The following LARS1 variants were observed in gnomAD, a reference collection of about 807,000 sequenced individuals.
LARS1 encodes the protein leucine--tRNA ligase, cytoplasmic.
Under a neutral mutation model 162.8 loss-of-function variants are expected in LARS1, and 100 were observed. That is an observed-to-expected ratio of 0.61 (90% CI 0.52 to 0.73). The LOEUF is 0.73. Ranked by LOEUF, LARS1 falls within the 30% of genes least tolerant of loss-of-function variation. The pLI, the probability that LARS1 is intolerant of heterozygous loss-of-function variation, is 0.00. For synonymous variants in LARS1, 457 were observed against 462.8 expected (o/e 0.99, Z 0.16); for missense variants, 1,258 against 1,408.9 (o/e 0.89, Z 1.71).
chr5:146,115,296 G>A (rs1363682610), intron 31 of LARS1, among the ~76,000 whole-genome samples: 1 of 151,828 alleles, frequency 6.6e-6, no homozygotes, highest in African/African-American at 2.4e-5. Flanking sequence ...CCTTTCTTGA[G>A]CTCCCTGGAA....
Position 146,144,660 on chromosome 5 carries a change from G to A in LARS1, c.1553C>T (p.Ser518Leu), listed in dbSNP as rs775688026. ...MEPEKQVMSR[S>L]SDECVVALCD... Reference sequence around the variant, plus strand: ...CAGAGCCACAACACATTCATCTGACGACCTGGACATCACTTGTTTCTCTGG... The same window carrying A: ...CAGAGCCACAACACATTCATCTGACAACCTGGACATCACTTGTTTCTCTGG... The change falls in exon 16 of 32, where the codon TCG (serine) becomes TTG (leucine). Residue 518 changes from serine (S) to leucine (L), a missense_variant. Coordinates refer to ENST00000394434, the MANE Select transcript of LARS1 (RefSeq NM_020117.11). The A allele has an allele frequency of 2.2e-5, 35 of 1,613,838 alleles. No homozygotes were observed. Among genetic ancestry groups the A allele is most frequent in the Non-Finnish European group, 2.9e-5 (34 of 1,180,022 alleles).
At position 146,122,766 on chromosome 5, in the gene LARS1, G is replaced by A. The variant is rs73315733; in HGVS notation, c.3097-179C>T. ...ATCTGTAATCAGTTATTTAACATTCGTTTTAGATGTCTCATAGTATTGTTA... is the reference window on the plus strand; with the variant it reads ...ATCTGTAATCAGTTATTTAACATTCATTTTAGATGTCTCATAGTATTGTTA... On this transcript the variant is annotated intron_variant, in intron 29 of 31. Coordinates refer to ENST00000394434, the MANE Select transcript of LARS1 (RefSeq NM_020117.11). 0.029 allele frequency among the ~76,000 whole-genome samples: 4,410 copies of A among 151,710 alleles called. 220 individuals are homozygous for A. The highest frequency in any genetic ancestry group is 0.1 in the African/African-American group (4,168 of 41,360).
intron 2 of LARS1, among the ~76,000 whole-genome samples, chr5:146,175,174 A>C (rs934373098): frequency 4.6e-5 from 7 of 151,926 alleles, no homozygotes; most frequent in African/African-American, 1.7e-4. Context: ...AGCTGAGATC[A>C]CACAACTGCA....
chr5:146,168,632 C>T (rs1362087727), intron 4 of LARS1, among the ~76,000 whole-genome samples: 2 of 151,958 alleles, frequency 1.3e-5, no homozygotes, highest in Non-Finnish European at 2.9e-5. Context: ...GTGCAGTGAG[C>T]CGAGATCACA....
Position 146,152,026 on chromosome 5 carries a change from C to T in LARS1, c.1285-24G>A, listed in dbSNP as rs574466224. 8 of 1,612,638 alleles carry T rather than the reference C, an allele frequency of 5.0e-6. No individual in the cohort carries two copies. The Middle Eastern group carries it at 6.6e-4, about 133-fold the overall frequency. On this transcript the variant is annotated intron_variant, in intron 13 of 31. Coordinates refer to ENST00000394434, the MANE Select transcript of LARS1 (RefSeq NM_020117.11). ...ACCTGCAGCAAACAGCAATCAGGAA[C>T]GTGTTCACACTGACTGGACACACAG...
intron 2 of LARS1, among the ~76,000 whole-genome samples, chr5:146,175,628 A>G (rs1344336406): frequency 6.6e-6 from 1 of 151,872 alleles, no homozygotes; most frequent in Non-Finnish European, 1.5e-5. Context: ...TCACGAGGTC[A>G]GGAGATCGAG....
rs1452394975 is a variant in LARS1, at chr5:146,160,409, T to C, written c.672A>G (p.Thr224=). ...YDSFVRWQFL[T]LRERNKIKFG... is the part of the protein sequence containing the mutation. Reference sequence around the variant, plus strand: ...ATTTAATTTTGTTTCTTTCTCTTAATGTTAAAAATTGCCATCTGACAAATG... The same window carrying C: ...ATTTAATTTTGTTTCTTTCTCTTAACGTTAAAAATTGCCATCTGACAAATG... The change falls in exon 7 of 32, where the codon ACA becomes ACG. Residue 224 remains threonine (T), a synonymous_variant. Transcript: ENST00000394434. The C allele has an allele frequency of 1.3e-6, 2 of 1,577,790 alleles. No homozygotes were observed. The highest frequency in any genetic ancestry group is 2.3e-5 in the South Asian group (2 of 86,586).
chr5:146,142,216 A>T (rs1029959194), intron 20 of LARS1, among the ~76,000 whole-genome samples: 3 of 152,102 alleles, frequency 2.0e-5, no homozygotes, highest in Non-Finnish European at 4.4e-5. Flanking sequence ...TGAACCTTAG[A>T]GGCAGAGGAT....
At chr5:146,165,897 T>A (rs1753983581) in intron 5 of LARS1, among the ~76,000 whole-genome samples, 1 of 152,122 alleles carries the variant, frequency 6.6e-6, no homozygotes, top group African/African-American at 2.4e-5. Flanking sequence ...TAGTAAGAAG[T>A]CACAAATAAG....
At chr5:146,171,634 A>C (rs888806435) in intron 4 of LARS1, among the ~76,000 whole-genome samples, 16 of 152,218 alleles carry the variant, frequency 1.1e-4, no homozygotes, top group African/African-American at 3.6e-4. Flanking sequence ...AGTAAAACAG[A>C]ATCAGTTATT....
chr5:146,120,593 C>T (rs1751779472), intron 30 of LARS1, 90 bp from the exon 31 acceptor site: 4 of 1,276,432 alleles, frequency 3.1e-6, no homozygotes, highest in Non-Finnish European at 4.4e-6. Flanking sequence ...CAATGAAAGA[C>T]AGATCTAATT....
chr5:146,174,516 ATAT>A, intron 2 of LARS1, among the ~76,000 whole-genome samples: 5 of 50,898 alleles, frequency 9.8e-5, no homozygotes, highest in Admixed American at 3.3e-4. Context: ...ATATATATAT[ATAT>A]CCATATATAT....
At position 146,131,132 on chromosome 5, in the gene LARS1, G is replaced by A. The variant is rs541995005; in HGVS notation, c.2397-23C>T. The stretch of plus-strand genomic sequence containing the variant: ...TCACTATTGAATACGGGGAAAAAAA[G>A]GTTATTGAGTTTAAAGGCACTTATA... On this transcript the variant is annotated intron_variant, in intron 23 of 31. Transcript: ENST00000394434. 1.6e-5 allele frequency: 21 copies of A among 1,301,632 alleles called. 1 individual carries two copies. In the East Asian group the frequency reaches 4.4e-4, roughly 27 times the overall value. 80.6% of individuals were successfully genotyped at this position (1,301,632 alleles called of 1,614,324 possible).
At chr5:146,130,211 T>A in intron 24 of LARS1, 53 bp from the exon 25 acceptor site, 3 of 1,560,386 alleles carry the variant, frequency 1.9e-6, no homozygotes, top group Admixed American at 3.8e-5. Context: ...AAAATAAAAA[T>A]AAAGGGAAAA....
intron 3 of LARS1, among the ~76,000 whole-genome samples, chr5:146,172,411 G>A (rs1754323462): frequency 6.6e-6 from 1 of 152,012 alleles, no homozygotes; most frequent in Non-Finnish European, 1.5e-5. Flanking sequence ...AGCTACTCGG[G>A]AGGCTGAGGC....
chr5:146,135,538 C>A, intron 22 of LARS1, 63 bp downstream of exon 22: 1 of 1,194,762 alleles, frequency 8.4e-7, no homozygotes, highest in Non-Finnish European at 1.2e-6. Flanking sequence ...CCAATTTTAA[C>A]GTGTCTTCTA....
chr5:146,146,278 T>A (rs1285854763), intron 15 of LARS1, among the ~76,000 whole-genome samples: 1 of 147,038 alleles, frequency 6.8e-6, no homozygotes, highest in Non-Finnish European at 1.5e-5. Context: ...AGGCAGAGGC[T>A]GCGGTGAGCT....
rs28579770 is a variant in LARS1 at position 146,174,528 on chromosome 5, A to G, written c.126-1754T>C. 4.3e-5 allele frequency among the ~76,000 whole-genome samples: 5 copies of G among 115,398 alleles called. 1 individual carries two copies. The highest frequency in any genetic ancestry group is 3.7e-3 in the Middle Eastern group (1 of 268). The allele number at this position is 115,398 out of a possible 152,430, so 75.7% of individuals were successfully genotyped here. ...TATATATATATATATATCCATATAT[A>G]TATATATATCCATATATGTATATAT... On this transcript the variant is annotated intron_variant, in intron 2 of 31. Transcript: ENST00000394434.
At chr5:146,177,707 C>A (rs371040610) in intron 1 of LARS1, 42 bp from the exon 2 acceptor site, 3 of 1,059,554 alleles carry the variant, frequency 2.8e-6, no homozygotes, top group African/African-American at 1.6e-5. Flanking sequence ...TATTTCAGCA[C>A]GCTTGCTTTA....
Sources: allele counts gnomAD v4.1 joint callset (sites outside exome capture counted in the v4.1 genomes callset), GRCh38; gene constraint gnomAD v4.1.1; transcripts MANE v1.5; gene names NCBI Gene and HGNC (gene_info 2026-07-23, HGNC 2026-07-21).